ALDH16A1: variants seen among roughly 807,000 people sequenced by gnomAD.
ALDH16A1 encodes aldehyde dehydrogenase family 16 member A1.
A neutral mutation model predicts 96.1 loss-of-function variants in ALDH16A1; 88 were observed. The ratio of observed to expected loss-of-function variants is 0.92; its 90% CI spans 0.77 to 1.09. ALDH16A1 has a LOEUF of 1.09. Among genes scored for constraint, ALDH16A1 ranks in the 50% least tolerant of loss-of-function variants. The pLI, the probability that ALDH16A1 is intolerant of heterozygous loss-of-function variation, is 0.00. For synonymous variants in ALDH16A1, 522 were observed against 496.4 expected (o/e 1.05, Z -0.69); for missense variants, 1,250 against 1,112.6 (o/e 1.12, Z -1.76).
In ALDH16A1 at chr19:49,459,578, T is replaced by G; in HGVS notation, c.321-92T>G. 2 of 1,426,216 alleles carry G rather than the reference T, an allele frequency of 1.4e-6. No individual in the cohort carries two copies. The highest frequency in any genetic ancestry group is 1.9e-6 in the Non-Finnish European group (2 of 1,069,776). 88.3% of individuals were successfully genotyped at this position (1,426,216 alleles called of 1,614,324 possible). A position where few individuals can be genotyped will look rare whatever the true frequency, so the allele number is the denominator to read the frequency against. ...ATGGTGGGGATGCCTCAGGGGCTCATGGGGATTGTAGTCCAGGTATATAGG... is the reference window on the plus strand; with the variant it reads ...ATGGTGGGGATGCCTCAGGGGCTCAGGGGGATTGTAGTCCAGGTATATAGG... On this transcript the variant is annotated intron_variant, in intron 3 of 16. Transcript: ENST00000293350. The surrounding 1 kb of genome is among the most constrained non-coding windows in gnomAD (Gnocchi z 4.1).
chr19:49,461,626 C>CGTG lies in ALDH16A1; in HGVS notation c.590_592dup (p.Val197dup), dbSNP rs1267145580. 3.1e-6 allele frequency: 5 copies of CGTG among 1,587,312 alleles called. No individual in the cohort carries two copies. The highest frequency in any genetic ancestry group is 1.4e-5 in the African/African-American group (1 of 73,478). The stretch of plus-strand genomic sequence containing the variant: ...GCTGCCCCACTTCCCCAGGCTGCAC[C>CGTG]GTGGTGGCCCTCGTGCCCCCGGCCT... On this transcript the variant is annotated inframe_insertion, in exon 6 of 17. Transcript: ENST00000293350.
In ALDH16A1 at chr19:49,468,657, C is replaced by A; in HGVS notation, c.2124+91C>A. 6.7e-7 allele frequency: 1 copy of A among 1,501,758 alleles called. No individual in the cohort carries two copies. The highest frequency in any genetic ancestry group is 1.2e-5 in the South Asian group (1 of 81,142). 93.0% of individuals were successfully genotyped at this position (1,501,758 alleles called of 1,614,324 possible). On this transcript the variant is annotated intron_variant, in intron 15 of 16. Coordinates refer to ENST00000293350, the MANE Select transcript of ALDH16A1 (RefSeq NM_153329.4). The surrounding 1 kb of genome is among the most constrained non-coding windows in gnomAD (Gnocchi z 4.4). ...AAGTCGGCAGGAGCTTGTCTCTTAC[C>A]CCACCCTCCGTGGTACCCATGCTGC... is the stretch of plus-strand genomic sequence containing the variant.
chr19:49,463,781 G>A, intron 8 of ALDH16A1, 73 bp from the exon 9 acceptor site: 1 of 1,423,858 alleles, frequency 7.0e-7, no homozygotes, highest in African/African-American at 1.4e-5. Flanking sequence ...GGGAGGAGGG[G>A]CTGGGGTCCT....
Position 49,459,193 on chromosome 19 carries a change from C to T in ALDH16A1, c.320+107C>T. The T allele has an allele frequency of 2.7e-6, 4 of 1,495,582 alleles. No individual in the cohort carries two copies. The highest frequency in any genetic ancestry group is 2.6e-5 in the South Asian group (2 of 78,360). The allele number at this position is 1,495,582 out of a possible 1,614,324, so 92.6% of individuals were successfully genotyped here. On this transcript the variant is annotated intron_variant, in intron 3 of 16. Coordinates refer to ENST00000293350, the MANE Select transcript of ALDH16A1 (RefSeq NM_153329.4). This position sits in a 1 kb window ranked among gnomAD's most constrained non-coding sequence, Gnocchi z 4.1. Reference sequence around the variant, plus strand: ...AAGATCCCACTGAATTAATTTGCAGCTAAGGCTCAGATTCCCAGTATGTGC... The same window carrying T: ...AAGATCCCACTGAATTAATTTGCAGTTAAGGCTCAGATTCCCAGTATGTGC...
At chr19:49,460,711 G>T in intron 4 of ALDH16A1, 111 bp from the exon 5 acceptor site, 1 of 843,660 alleles carries the variant, frequency 1.2e-6, no homozygotes, top group Non-Finnish European at 1.8e-6. Flanking sequence ...ACCACACCCG[G>T]CCATTTTTTT....
intron 12 of ALDH16A1, among the ~76,000 whole-genome samples, chr19:49,464,973 T>C (rs999473703): frequency 7.2e-5 from 11 of 152,228 alleles, no homozygotes; most frequent in African/African-American, 2.7e-4. Context: ...TCCCAGAAAC[T>C]CATGGGTCTA....
rs1035500000 is a variant in ALDH16A1 at position 49,459,259 on chromosome 19, A to G, written c.320+173A>G. On this transcript the variant is annotated intron_variant, in intron 3 of 16. Transcript: ENST00000293350. The surrounding 1 kb of genome is among the most constrained non-coding windows in gnomAD (Gnocchi z 4.1). ...CTGAAACATGCATCCGTTGTCCACT[A>G]TTCACTGGGACTAGAAGCCACAAAG... Among the ~76,000 whole-genome samples the G allele has an allele frequency of 2.0e-5, 3 of 152,190 alleles. No individual in the cohort carries two copies. Among genetic ancestry groups the G allele is most frequent in the Admixed American group, 1.3e-4 (2 of 15,282 alleles).
Position 49,468,726 on chromosome 19 carries a change from G to T in ALDH16A1, c.2125-138G>T. On this transcript the variant is annotated intron_variant, in intron 15 of 16. Transcript: ENST00000293350. This position sits in a 1 kb window ranked among gnomAD's most constrained non-coding sequence, Gnocchi z 4.4. ...AACCTTCACTCCTTGGGGACCCAGT[G>T]CCCATTCTTCACCCTAGGCCTGGGG... 7.4e-7 allele frequency: 1 copy of T among 1,351,572 alleles called. No homozygotes were observed. Among genetic ancestry groups the T allele is most frequent in the Non-Finnish European group, 1.0e-6 (1 of 989,546 alleles). 83.7% of individuals were successfully genotyped at this position (1,351,572 alleles called of 1,614,324 possible).
rs770047018 is a variant in ALDH16A1, at chr19:49,470,301, C to T, written c.2248-5C>T. The T allele has an allele frequency of 2.5e-6, 4 of 1,613,386 alleles. No homozygotes were observed. Among genetic ancestry groups the T allele is most frequent in the South Asian group, 1.1e-5 (1 of 91,078 alleles). On this transcript the variant is annotated splice_polypyrimidine_tract_variant and splice_region_variant and intron_variant, in intron 16 of 16. Coordinates refer to ENST00000293350, the MANE Select transcript of ALDH16A1 (RefSeq NM_153329.4). ...GTGCTTACCCCCGTCTCTTCCTCCC[C>T]TCAGGGTTCCCAGTTTGTCGAGTGG...
intron 16 of ALDH16A1, chr19:49,470,076 G>A: frequency 1.9e-6 from 1 of 529,878 alleles, no homozygotes; most frequent in Admixed American, 3.6e-5. Flanking sequence ...GAGCCTTGGG[G>A]CCCATTCCTT....
chr19:49,462,377 C>T (rs949085725), intron 7 of ALDH16A1, among the ~76,000 whole-genome samples, 193 bp from the exon 8 acceptor site: 2 of 152,086 alleles, frequency 1.3e-5, no homozygotes, highest in Non-Finnish European at 2.9e-5. Context: ...TCAGGTGATC[C>T]GCCCACCTCG....
rs751164091 is a variant in ALDH16A1, at chr19:49,453,359, G to T, written c.28G>T (p.Ala10Ser). 1 of 1,557,430 alleles carries T rather than the reference G, an allele frequency of 6.4e-7. No homozygotes were observed. MAATRAGPRAREIFTSLEYG... is the reference protein window; with the variant it reads MAATRAGPRSREIFTSLEYG... Reference sequence around the variant, plus strand: ...GGCTGCGACGCGTGCAGGGCCCCGCGCCCGCGAGATCTTCACCTCGCTGGA... The same window carrying T: ...GGCTGCGACGCGTGCAGGGCCCCGCTCCCGCGAGATCTTCACCTCGCTGGA... The change falls in exon 1 of 17, where the codon GCC becomes TCC. Residue 10 changes from alanine (A) to serine (S), a missense_variant. Ala to Ser is a moderately conservative substitution (Grantham distance 99, BLOSUM62 1). Coordinates refer to ENST00000293350, the MANE Select transcript of ALDH16A1 (RefSeq NM_153329.4).
At chr19:49,467,527 T>G (rs939989295) in intron 14 of ALDH16A1, among the ~76,000 whole-genome samples, 1 of 151,670 alleles carries the variant, frequency 6.6e-6, no homozygotes, top group African/African-American at 2.4e-5. Context: ...TCCGAGTGGC[T>G]GGGACTACAG....
chr19:49,462,078 G>A (rs1323987887), intron 7 of ALDH16A1, 42 bp downstream of exon 7: 12 of 1,496,760 alleles, frequency 8.0e-6, no homozygotes, highest in Non-Finnish European at 8.8e-6. Context: ...CCTGGAGGCC[G>A]TTGGTGTCTG....
In ALDH16A1 at chr19:49,459,043, T is replaced by G; in HGVS notation, c.277T>G (p.Trp93Gly). 1 of 1,613,350 alleles carries G rather than the reference T, an allele frequency of 6.2e-7. No homozygotes were observed. Among genetic ancestry groups the G allele is most frequent in the South Asian group, 1.1e-5 (1 of 91,084 alleles). Residue 93 changes from tryptophan to glycine, a missense_variant, in exon 3 of 17, where the codon TGG (tryptophan) becomes GGG (glycine). Coordinates refer to ENST00000293350, the MANE Select transcript of ALDH16A1 (RefSeq NM_153329.4). This position sits in a 1 kb window ranked among gnomAD's most constrained non-coding sequence, Gnocchi z 4.1. ...VEAARMAFKG[W>G]SAHPGVVRAQ... ...GGCAGCCAGGATGGCATTTAAGGGC[T>G]GGAGTGCGCACCCCGGCGTCGTCCG...
At position 49,461,690 on chromosome 19, in the gene ALDH16A1, C is replaced by G; in HGVS notation, c.649C>G (p.Leu217Val). Residue 217 changes from leucine to valine, a missense_variant, in exon 6 of 17, where the codon CTG (leucine) becomes GTG (valine). Transcript: ENST00000293350. ...CCTCCTGGCCCAGCTGGCGGGGGAG[C>G]TGGGCCCCTTCCCGGGAATCCTGAA... ...PLLLAQLAGE[L>V]GPFPGILNVL... is the part of the protein sequence containing the mutation. 1 of 1,608,182 alleles carries G rather than the reference C, an allele frequency of 6.2e-7. No individual in the cohort carries two copies. Among genetic ancestry groups the G allele is most frequent in the Non-Finnish European group, 8.5e-7 (1 of 1,177,488 alleles).
chr19:49,457,237 C>G (rs1470236714), intron 1 of ALDH16A1, among the ~76,000 whole-genome samples: 2 of 151,514 alleles, frequency 1.3e-5, no homozygotes, highest in Admixed American at 1.3e-4. Flanking sequence ...GAAGACGTGA[C>G]CAGGATGAGA....
At position 49,459,382 on chromosome 19, in the gene ALDH16A1, T is replaced by C. The variant is rs976238319; in HGVS notation, c.321-288T>C. Among the ~76,000 whole-genome samples the C allele has an allele frequency of 1.3e-5, 2 of 152,184 alleles. No individual in the cohort carries two copies. The highest frequency in any genetic ancestry group is 4.8e-5 in the African/African-American group (2 of 41,424). ...ATTTCCTAGCCGCTTGCGGGGAAGC[T>C]AGAGACAAAAATTCCATTTCCCAAA... is the stretch of plus-strand genomic sequence containing the variant. On this transcript the variant is annotated intron_variant, in intron 3 of 16. Coordinates refer to ENST00000293350, the MANE Select transcript of ALDH16A1 (RefSeq NM_153329.4). The surrounding 1 kb of genome is among the most constrained non-coding windows in gnomAD (Gnocchi z 4.1).
rs1161642994 is a variant in ALDH16A1, at chr19:49,465,732, CT to C, written c.1569-5del. The C allele has an allele frequency of 4.3e-6, 7 of 1,610,724 alleles. No individual in the cohort carries two copies. Among genetic ancestry groups the C allele is most frequent in the Admixed American group, 3.3e-5 (2 of 59,802 alleles). On this transcript the variant is annotated splice_region_variant and splice_polypyrimidine_tract_variant and intron_variant, in intron 12 of 16. Transcript: ENST00000293350. ...GGACTCCTCCTCATGTCCCACCCTA[CT>C]CCAGCCCAGCACCCCCCTATGGGCT... is the stretch of plus-strand genomic sequence containing the variant.
Sources: allele counts gnomAD v4.1 joint callset (sites outside exome capture counted in the v4.1 genomes callset), GRCh38; gene constraint gnomAD v4.1.1; non-coding constraint Gnocchi (gnomAD v3.1); transcripts MANE v1.5; gene names NCBI Gene and HGNC (gene_info 2026-07-23, HGNC 2026-07-21).